Variants in CLEC9A observed in about 807,000 individuals in gnomAD.
CLEC9A encodes the protein C-type lectin domain containing 9A.
In CLEC9A, 24 loss-of-function variants were observed where a neutral mutation model predicts 30.0. That is an observed-to-expected ratio of 0.80 (90% CI 0.58 to 1.13). The LOEUF is 1.13. Among genes scored for constraint, CLEC9A ranks in the 50% most tolerant of loss-of-function variants. The pLI, the probability that CLEC9A is intolerant of heterozygous loss-of-function variation, is 0.00. For synonymous variants in CLEC9A, 111 were observed against 96.8 expected (o/e 1.15, Z -0.86); for missense variants, 251 against 280.9 (o/e 0.89, Z 0.76).
chr12:10,052,821 GTTTT>G, intron 4 of CLEC9A, 43 bp downstream of exon 4: 2 of 1,382,360 alleles, frequency 1.4e-6, no homozygotes, highest in East Asian at 2.5e-5. Flanking sequence ...TAGAGTTCAT[GTTTT>G]TTTTTTTTTT....
At chr12:10,039,571 A>G (rs960305083) in intron 1 of CLEC9A, among the ~76,000 whole-genome samples, 3 of 152,070 alleles carry the variant, frequency 2.0e-5, no homozygotes, top group Admixed American at 1.3e-4. Flanking sequence ...TGTAAATCCT[A>G]TGTTCCCCTG....
intron 1 of CLEC9A, chr12:10,040,991 C>A (rs1157439970): frequency 6.2e-6 from 1 of 160,020 alleles, no homozygotes; most frequent in African/African-American, 2.4e-5. Flanking sequence ...GCCTGTAATC[C>A]CAGCATTTTT....
intron 6 of CLEC9A, among the ~76,000 whole-genome samples, chr12:10,061,526 A>G (rs1865998036): frequency 6.6e-6 from 1 of 152,212 alleles, no homozygotes; most frequent in Admixed American, 6.5e-5. Flanking sequence ...TGCAATTAGT[A>G]GGTCAGATTA....
At chr12:10,064,620 C>T (rs1451433119) in intron 7 of CLEC9A, 112 bp from the exon 8 acceptor site, 2 of 1,174,816 alleles carry the variant, frequency 1.7e-6, no homozygotes, top group East Asian at 5.1e-5. Flanking sequence ...TCTCCTTTTC[C>T]AGATTTCAAG....
intron 1 of CLEC9A, among the ~76,000 whole-genome samples, chr12:10,041,121 C>A (rs1565588975): frequency 1.3e-5 from 2 of 152,120 alleles, no homozygotes; most frequent in South Asian, 4.1e-4. Context: ...TGGTGGGTGC[C>A]TGTAATCCCA....
intron 5 of CLEC9A, chr12:10,060,590 G>C (rs73054678): frequency 0.014 from 2,114 of 154,246 alleles, 22 homozygotes; most frequent in Non-Finnish European, 0.023. Flanking sequence ...AAAAGGGCAA[G>C]GACAGATCCT....
In CLEC9A at chr12:10,061,248, C is replaced by A. The variant is rs1409369787; in HGVS notation, c.294C>A (p.Ala98=). The A allele has an allele frequency of 6.2e-7, 1 of 1,611,498 alleles. No homozygotes were observed. Among genetic ancestry groups the A allele is most frequent in the Admixed American group, 1.7e-5 (1 of 59,322 alleles). Residue 98 remains alanine, a synonymous_variant, in exon 6 of 9, where the codon GCC becomes GCA. Transcript: ENST00000355819. ...SCALQMKYCQ[A]FMQNSLSSAH... ...CCCTTCAGATGAAATATTGCCAAGC[C>A]TTCATGCAAAACTCATTAAGTTCAG...
intron 5 of CLEC9A, among the ~76,000 whole-genome samples, chr12:10,054,722 T>G (rs965948921): frequency 3.9e-5 from 6 of 152,208 alleles, no homozygotes; most frequent in Non-Finnish European, 8.8e-5. Flanking sequence ...TTAAAGATTA[T>G]TTATATTAGG....
intron 2 of CLEC9A, among the ~76,000 whole-genome samples, chr12:10,045,126 C>T (rs1001038011): frequency 5.3e-5 from 8 of 152,192 alleles, no homozygotes; most frequent in Admixed American, 5.2e-4. Context: ...TCCATTGCAG[C>T]TCTTTGTCCT....
At position 10,063,025 on chromosome 12, in the gene CLEC9A, G is replaced by T. The variant is rs1234057294; in HGVS notation, c.320-30G>T. ...ATATGTTGTTAATATTTTACAATAA[G>T]ATACTAAAGTAAAATGTTTATATTC... is the stretch of plus-strand genomic sequence containing the variant. On this transcript the variant is annotated intron_variant, in intron 6 of 8. Coordinates refer to ENST00000355819, the MANE Select transcript of CLEC9A (RefSeq NM_207345.4). 3.2e-6 allele frequency: 5 copies of T among 1,556,592 alleles called. No individual in the cohort carries two copies. In the Admixed American group the frequency reaches 8.3e-5, roughly 26 times the overall value.
At position 10,030,941 on chromosome 12, in the gene CLEC9A, G is replaced by T. The variant is rs759577752; in HGVS notation, c.-349G>T. On this transcript the variant is annotated 5_prime_UTR_variant, in exon 1 of 9. An upstream start codon of the reference 5' UTR is lost. Transcript: ENST00000355819. Reference sequence around the variant, plus strand: ...TTCCCATGTTAGCCAAGATCTAAATGATTCAAACTGATGATACTCTCTGCA... The same window carrying T: ...TTCCCATGTTAGCCAAGATCTAAATTATTCAAACTGATGATACTCTCTGCA... 1 of 152,146 alleles carries T rather than the reference G, an allele frequency of 6.6e-6. No individual in the cohort carries two copies. The highest frequency in any genetic ancestry group is 1.5e-5 in the Non-Finnish European group (1 of 68,032). The allele number at this position is 152,146 out of a possible 1,614,324, so 9.4% of individuals were successfully genotyped here.
intron 1 of CLEC9A, among the ~76,000 whole-genome samples, chr12:10,031,252 G>A (rs1865692966): frequency 6.6e-6 from 1 of 152,226 alleles, no homozygotes; most frequent in African/African-American, 2.4e-5. Flanking sequence ...GTGGAAAGAC[G>A]TTAAGTGTAT....
intron 6 of CLEC9A, among the ~76,000 whole-genome samples, chr12:10,062,426 T>C (rs1332588067): frequency 3.9e-5 from 6 of 152,238 alleles, no homozygotes; most frequent in Non-Finnish European, 8.8e-5. Flanking sequence ...ATATTCCATC[T>C]TAAAACAGGT....
At chr12:10,031,840 G>T (rs752347608) in intron 1 of CLEC9A, among the ~76,000 whole-genome samples, 97 of 152,144 alleles carry the variant, frequency 6.4e-4, no homozygotes, top group Middle Eastern at 3.4e-3. Flanking sequence ...TGAGCCGCCC[G>T]ATGCTGTCAG....
intron 2 of CLEC9A, among the ~76,000 whole-genome samples, chr12:10,047,013 G>C (rs764284044): frequency 6.6e-6 from 1 of 152,074 alleles, no homozygotes; most frequent in Non-Finnish European, 1.5e-5. Context: ...CTCAATAAGT[G>C]TGTTACTCTT....
chr12:10,031,207 G>A (rs1212829489), intron 1 of CLEC9A, among the ~76,000 whole-genome samples: 1 of 152,118 alleles, frequency 6.6e-6, no homozygotes, highest in Non-Finnish European at 1.5e-5. Flanking sequence ...ATGGATGAGG[G>A]AAGATGCAAG....
chr12:10,046,306 G>A (rs1010975139), intron 2 of CLEC9A, among the ~76,000 whole-genome samples: 4 of 152,062 alleles, frequency 2.6e-5, no homozygotes, highest in African/African-American at 7.2e-5. Flanking sequence ...TGGCTTACAG[G>A]AAACAGAGAG....
chr12:10,048,182 G>A (rs1014214727), intron 2 of CLEC9A, among the ~76,000 whole-genome samples: 2 of 150,528 alleles, frequency 1.3e-5, no homozygotes, highest in African/African-American at 4.9e-5. Flanking sequence ...GCAGTGAGCC[G>A]AGATTGCGCC....
intron 2 of CLEC9A, among the ~76,000 whole-genome samples, chr12:10,048,543 T>C (rs541832862): frequency 1.3e-5 from 2 of 152,358 alleles, no homozygotes; most frequent in South Asian, 2.1e-4. Context: ...ACTAAGTTTA[T>C]GCAGTATTTG....
Sources: gnomAD v4.1 joint callset for allele counts (sites outside exome capture counted in the v4.1 genomes callset) on GRCh38, gnomAD v4.1.1 for gene constraint, MANE v1.5 for transcripts, NCBI Gene and HGNC (gene_info 2026-07-23, HGNC 2026-07-21) for gene names.